PTH2R: variants seen among roughly 807,000 people sequenced by gnomAD.
PTH2R encodes parathyroid hormone 2 receptor, also known as PTH2 receptor.
A neutral mutation model predicts 60.3 loss-of-function variants in PTH2R; 59 were observed. The ratio of observed to expected loss-of-function variants is 0.98; its 90% CI spans 0.79 to 1.22. The LOEUF (loss-of-function observed/expected upper bound fraction) is 1.22. PTH2R is among the 50% of genes most tolerant of loss of function. The pLI, the probability that PTH2R is intolerant of heterozygous loss-of-function variation, is 0.00. For synonymous variants in PTH2R, 256 were observed against 243.8 expected (o/e 1.05, Z -0.47); for missense variants, 749 against 682.6 (o/e 1.10, Z -1.08).
At position 208,493,805 on chromosome 2, in the gene PTH2R, C is replaced by A; in HGVS notation, c.*146C>A. On this transcript the variant is annotated 3_prime_UTR_variant, in exon 13 of 13. Transcript: ENST00000272847. ...ATAGTTTTTAGGCTCCATGAATTGG[C>A]TCCTGTAAATACTAACGACATGAAA... 1 of 856,910 alleles carries A rather than the reference C, an allele frequency of 1.2e-6. No homozygotes were observed. Among genetic ancestry groups the A allele is most frequent in the Non-Finnish European group, 1.7e-6 (1 of 593,818 alleles). The allele number at this position is 856,910 out of a possible 1,614,324, so 53.1% of individuals were successfully genotyped here.
At chr2:208,378,808 CGGTA>C (rs1459426706) in intron 1 of PTH2R, among the ~76,000 whole-genome samples, 1 of 152,100 alleles carries the variant, frequency 6.6e-6, no homozygotes, top group Non-Finnish European at 1.5e-5. Flanking sequence ...TGGACTCAGG[CGGTA>C]GGCAAGAGGA....
At chr2:208,467,552 AAT>A (rs1478597629) in intron 9 of PTH2R, among the ~76,000 whole-genome samples, 2 of 152,200 alleles carry the variant, frequency 1.3e-5, no homozygotes, top group South Asian at 2.1e-4. Context: ...GGGACTTGAC[AAT>A]ACTATATGCT....
At chr2:208,471,876 G>A (rs1702890025) in intron 9 of PTH2R, among the ~76,000 whole-genome samples, 1 of 152,240 alleles carries the variant, frequency 6.6e-6, no homozygotes, top group Admixed American at 6.5e-5. Context: ...AGCCAAAAGG[G>A]CAGAGCTGCC....
At chr2:208,410,867 C>A (rs1406601677) in intron 1 of PTH2R, among the ~76,000 whole-genome samples, 1 of 152,046 alleles carries the variant, frequency 6.6e-6, no homozygotes, top group African/African-American at 2.4e-5. Context: ...ATCAAGTAGG[C>A]CTGCACTCTG....
In PTH2R at chr2:208,415,374, T is replaced by A. The variant is rs193151855; in HGVS notation, c.75+8256T>A. On this transcript the variant is annotated intron_variant, in intron 1 of 12. Transcript: ENST00000272847. ...AATTTCAGTGTTCATAAAATTTTAT[T>A]TGAACACAGCCACATTCATTCACCT... Among the ~76,000 whole-genome samples the A allele has an allele frequency of 5.5e-3, 845 of 152,352 alleles. 4 individuals are homozygous for A. Among genetic ancestry groups the A allele is most frequent in the African/African-American group, 0.019 (770 of 41,588 alleles).
rs762622898 is a variant in PTH2R at position 208,394,952 on chromosome 2, G to A, written c.-258-33249G>A. 2.0e-5 allele frequency among the ~76,000 whole-genome samples: 3 copies of A among 152,142 alleles called. No homozygotes were observed. The South Asian group carries it at 6.2e-4, about 31-fold the overall frequency. Reference sequence around the variant, plus strand: ...ATTTTGCTGCTGATGGGACAATAACGAGACTAAAATCTGGCTGCGGAAGAC... The same window carrying A: ...ATTTTGCTGCTGATGGGACAATAACAAGACTAAAATCTGGCTGCGGAAGAC... On this transcript the variant is annotated intron_variant, in intron 1 of 12. Coordinates refer to the PTH2R transcript ENST00000617735.
chr2:208,458,320 C>T (rs180672495), intron 8 of PTH2R, among the ~76,000 whole-genome samples: 1,816 of 151,914 alleles, frequency 0.012, 15 homozygotes, highest in Non-Finnish European at 0.018. Flanking sequence ...AAGGGAAGCA[C>T]CAAATATAAA....
At chr2:208,366,259 A>G (rs1304651020) in intron 1 of PTH2R, among the ~76,000 whole-genome samples, 1 of 151,540 alleles carries the variant, frequency 6.6e-6, no homozygotes, top group Admixed American at 6.6e-5. Context: ...TTTCTTCATG[A>G]TTCAGTCTTG....
At position 208,464,794 on chromosome 2, in the gene PTH2R, G is replaced by A. The variant is rs549723598; in HGVS notation, c.981+4833G>A. On this transcript the variant is annotated intron_variant, in intron 9 of 12. Transcript: ENST00000272847. The stretch of plus-strand genomic sequence containing the variant: ...TTTGGTAGACATAGGCAGGAGGCTC[G>A]CTTGAGGCCAGGGGTTCAAGACCAG... Among the ~76,000 whole-genome samples, 23 of 152,198 alleles carry A rather than the reference G, an allele frequency of 1.5e-4. 1 individual carries two copies. The East Asian group carries it at 4.3e-3, about 28-fold the overall frequency.
intron 1 of PTH2R, among the ~76,000 whole-genome samples, chr2:208,393,820 C>A (rs1701153855): frequency 6.6e-6 from 1 of 152,188 alleles, no homozygotes; most frequent in Non-Finnish European, 1.5e-5. Context: ...AACTTGAACC[C>A]TTATGGCACC....
At chr2:208,374,721 G>C (rs1574816351) in intron 1 of PTH2R, among the ~76,000 whole-genome samples, 1 of 151,968 alleles carries the variant, frequency 6.6e-6, no homozygotes, top group African/African-American at 2.4e-5. Context: ...GGCCAGGCTG[G>C]TCTCGAACTC....
At chr2:208,388,038 G>A (rs1163056155) in intron 1 of PTH2R, among the ~76,000 whole-genome samples, 2 of 151,932 alleles carry the variant, frequency 1.3e-5, no homozygotes, top group African/African-American at 2.4e-5. Flanking sequence ...AGCCGGGCGC[G>A]GTGGCTCACA....
At chr2:208,426,120 GAAGATTT>G (rs1701852957) in intron 1 of PTH2R, among the ~76,000 whole-genome samples, 2 of 152,186 alleles carry the variant, frequency 1.3e-5, no homozygotes, top group Non-Finnish European at 2.9e-5. Context: ...GGTTAATTAT[GAAGATTT>G]TCATGTCTTG....
chr2:208,365,463 T>G (rs1049185003), intron 1 of PTH2R, among the ~76,000 whole-genome samples: 1 of 152,176 alleles, frequency 6.6e-6, no homozygotes, highest in Non-Finnish European at 1.5e-5. Context: ...TGTCCTTTAT[T>G]CTGTAAATGT....
At chr2:208,484,925 T>G (rs1375484278) in intron 10 of PTH2R, among the ~76,000 whole-genome samples, 2 of 152,164 alleles carry the variant, frequency 1.3e-5, no homozygotes, top group Non-Finnish European at 2.9e-5. Context: ...AGCATGGTGC[T>G]TAATGGCCAG....
intron 12 of PTH2R, 51 bp from the exon 13 acceptor site, chr2:208,493,213 G>T (rs1703445807): frequency 2.1e-6 from 3 of 1,411,844 alleles, no homozygotes; most frequent in South Asian, 1.9e-5. Flanking sequence ...TAACAAGGCT[G>T]CAGGGTCTCC....
chr2:208,375,521 C>T (rs1700777230), intron 1 of PTH2R, among the ~76,000 whole-genome samples: 1 of 152,080 alleles, frequency 6.6e-6, no homozygotes, highest in South Asian at 2.1e-4. Context: ...TATAGTTGAA[C>T]TAGAGGCAAG....
intron 9 of PTH2R, chr2:208,470,006 A>T (rs1702846116): frequency 6.6e-6 from 1 of 152,216 alleles, no homozygotes; most frequent in African/African-American, 2.4e-5. Flanking sequence ...TGACTGAGAC[A>T]TAAGCACCTG....
intron 9 of PTH2R, among the ~76,000 whole-genome samples, chr2:208,472,128 G>A (rs1702895657): frequency 6.6e-6 from 1 of 152,154 alleles, no homozygotes; most frequent in African/African-American, 2.4e-5. Context: ...AGACTCATAG[G>A]CAGAAGGGAC....
Sources: gnomAD v4.1 joint callset for allele counts (sites outside exome capture counted in the v4.1 genomes callset) on GRCh38, gnomAD v4.1.1 for gene constraint, MANE v1.5 for transcripts, NCBI Gene and HGNC (gene_info 2026-07-23, HGNC 2026-07-21) for gene names.